The following LGI1 variants were observed in gnomAD, a reference collection of about 807,000 sequenced individuals.
LGI1 encodes the protein leucine rich glioma inactivated 1, also known as leucine-rich glioma-inactivated protein 1.
Under a neutral mutation model 57.7 loss-of-function variants are expected in LGI1, and 11 were observed. The ratio of observed to expected loss-of-function variants is 0.19; its 90% confidence interval spans 0.12 to 0.32. The LOEUF is 0.32. Ranked by LOEUF, LGI1 falls within the 10% of genes least tolerant of loss-of-function variation. The pLI is 1.00. For missense variants in LGI1, 422 were observed against 661.9 expected (o/e 0.64, Z 3.98); for synonymous variants, 222 against 241.9 (o/e 0.92, Z 0.76).
In LGI1 at chr10:93,798,098, CATTT is replaced by C. The variant is rs2059996452; in HGVS notation, c.*303_*306del. On this transcript the variant is annotated 3_prime_UTR_variant, in exon 8 of 8. Coordinates refer to ENST00000371418, the MANE Select transcript of LGI1 (RefSeq NM_005097.4). ...AAAGAAATATTAATATGTACTTTTC[CATTT>C]ATTTATTCATGTGTACAGAAACAAC... 1 of 402,212 alleles carries C rather than the reference CATTT, an allele frequency of 2.5e-6. No homozygotes were observed. The allele number at this position is 402,212 out of a possible 1,614,324, so 24.9% of individuals were successfully genotyped here.
chr10:93,761,255 A>G (rs553179354), intron 2 of LGI1, among the ~76,000 whole-genome samples: 8 of 152,322 alleles, frequency 5.3e-5, no homozygotes, highest in Non-Finnish European at 8.8e-5. Flanking sequence ...ATGAAGACCA[A>G]TGGCATTGGA....
In LGI1 at chr10:93,758,919, C is replaced by A; in HGVS notation, c.287+88C>A. 9.9e-7 allele frequency: 1 copy of A among 1,010,650 alleles called. No homozygotes were observed. Among genetic ancestry groups the A allele is most frequent in the South Asian group, 1.3e-5 (1 of 74,806 alleles). The allele number at this position is 1,010,650 out of a possible 1,614,324, so 62.6% of individuals were successfully genotyped here. On this transcript the variant is annotated intron_variant, in intron 2 of 7. Transcript: ENST00000371418. This position sits in a 1 kb window ranked among gnomAD's most constrained non-coding sequence, Gnocchi z 4.7. ...AAAATGATCTCAATATTAATTTTGTCAAATGTGATTCTATTTCTGAGAAAA... is the reference window on the plus strand; with the variant it reads ...AAAATGATCTCAATATTAATTTTGTAAAATGTGATTCTATTTCTGAGAAAA...
intron 2 of LGI1, chr10:93,771,546 T>C (rs2059740081): frequency 1.3e-5 from 2 of 152,126 alleles, no homozygotes; most frequent in Non-Finnish European, 2.9e-5. Context: ...AAGGGAGGGA[T>C]GATGCAATAC....
chr10:93,791,243 G>A (rs2059935903), intron 5 of LGI1: 1 of 152,138 alleles, frequency 6.6e-6, no homozygotes, highest in South Asian at 2.1e-4. Context: ...TATCCTCTCT[G>A]GTTTACAGTA....
chr10:93,780,417 T>G (rs1182592855), intron 4 of LGI1: 8 of 152,186 alleles, frequency 5.3e-5, no homozygotes, highest in Admixed American at 3.9e-4. Context: ...TTTAAGACAT[T>G]AGGCTTCAAA....
chr10:93,777,061 C>G (rs1387457782), intron 2 of LGI1: 1 of 449,590 alleles, frequency 2.2e-6, no homozygotes, highest in African/African-American at 2.0e-5. Context: ...GTGCCTTTGT[C>G]ATGAAAATAT....
At chr10:93,769,429 C>A (rs2059712141) in intron 2 of LGI1, 1 of 152,184 alleles carries the variant, frequency 6.6e-6, no homozygotes, top group South Asian at 2.1e-4. Flanking sequence ...CAGGTGACAT[C>A]CTCACGGGAC....
In LGI1 at chr10:93,797,309, C is replaced by T. The variant is rs780717755; in HGVS notation, c.1180C>T (p.Leu394Phe). 1 of 1,614,204 alleles carries T rather than the reference C, an allele frequency of 6.2e-7. No individual in the cohort carries two copies. The highest frequency in any genetic ancestry group is 8.5e-7 in the Non-Finnish European group (1 of 1,180,038). The change falls in exon 8 of 8, where the codon CTC (leucine) becomes TTC (phenylalanine). Residue 394 changes from leucine (L) to phenylalanine (F), a missense_variant. Coordinates refer to ENST00000371418, the MANE Select transcript of LGI1 (RefSeq NM_005097.4). The surrounding 1 kb of genome is among the most constrained non-coding windows in gnomAD (Gnocchi z 6.5). ...AGAAATAGTCAGAACACCTCAGACA[C>T]TCAGAACGCCTCATTTAATTCTGTC... is the stretch of plus-strand genomic sequence containing the variant. ...YLEIVRTPQTLRTPHLILSSS... is the reference protein window; with the variant it reads ...YLEIVRTPQTFRTPHLILSSS...
rs144274406 is a variant in LGI1, at chr10:93,777,154, T to A, written c.288-225T>A. The A allele has an allele frequency of 2.3e-5, 14 of 609,586 alleles. No homozygotes were observed. In the East Asian group the frequency reaches 3.9e-4, roughly 17 times the overall value. The allele number at this position is 609,586 out of a possible 1,614,324, so 37.8% of individuals were successfully genotyped here. A position where few individuals can be genotyped will look rare whatever the true frequency, so the allele number is the denominator to read the frequency against. ...TGTCACCCAGGGTATGTGGCAGTCA[T>A]TGTGAGGAATCGGGCACCAGGCACC... On this transcript the variant is annotated intron_variant, in intron 2 of 7. Transcript: ENST00000371418.
chr10:93,779,272 G>GTAGGACTCTGGTGTCCTCGCGAGGAACC (rs1424799514), intron 4 of LGI1, among the ~76,000 whole-genome samples: 1 of 152,040 alleles, frequency 6.6e-6, no homozygotes, highest in African/African-American at 2.4e-5. Context: ...TAGGGAGGAT[G>GTAGGACTCTGGTGTCCTCGCGAGGAACC]CACAGCCCAA....
At chr10:93,776,005 G>A (rs1589761067) in intron 2 of LGI1, 1 of 152,316 alleles carries the variant, frequency 6.6e-6, no homozygotes, top group East Asian at 1.9e-4. Flanking sequence ...GCCATGAAGT[G>A]AGAAGAGACA....
chr10:93,784,727 A>G (rs1217942079), intron 4 of LGI1, among the ~76,000 whole-genome samples: 1 of 152,090 alleles, frequency 6.6e-6, no homozygotes, highest in Admixed American at 6.6e-5. Flanking sequence ...TAGTATTAAA[A>G]TTCAGCTCTG....
At chr10:93,791,532 G>A (rs2059938186) in intron 5 of LGI1, 1 of 152,202 alleles carries the variant, frequency 6.6e-6, no homozygotes, top group African/African-American at 2.4e-5. Flanking sequence ...TATCTTAGAA[G>A]TACAAGGATC....
chr10:93,760,710 A>G (rs1238331877), intron 2 of LGI1, among the ~76,000 whole-genome samples: 1 of 152,176 alleles, frequency 6.6e-6, no homozygotes, highest in Non-Finnish European at 1.5e-5. Flanking sequence ...GGGTAATGTG[A>G]TTTCACGTAT....
In LGI1 at chr10:93,797,044, C is replaced by T. The variant is rs1274034219; in HGVS notation, c.915C>T (p.Gly305=). 1.9e-6 allele frequency: 3 copies of T among 1,613,834 alleles called. No homozygotes were observed. The highest frequency in any genetic ancestry group is 1.3e-5 in the African/African-American group (1 of 74,906). Residue 305 remains glycine (G), a synonymous_variant, in exon 8 of 8, where the codon GGC becomes GGT. Coordinates refer to ENST00000371418, the MANE Select transcript of LGI1 (RefSeq NM_005097.4). The surrounding 1 kb of genome is among the most constrained non-coding windows in gnomAD (Gnocchi z 6.5). ...TTATTGTGGCCCAGCTGTTTGGTGG[C>T]TCTCACATCTATAAGCGAGACAGTT... The part of the protein sequence containing the change: ...LYVIVAQLFG[G]SHIYKRDSFA...
chr10:93,783,464 G>A (rs1435983660), intron 4 of LGI1, among the ~76,000 whole-genome samples: 1 of 152,176 alleles, frequency 6.6e-6, no homozygotes, highest in African/African-American at 2.4e-5. Context: ...TTAGTTGAAG[G>A]CAACTTTAAA....
In LGI1 at chr10:93,786,575, T is replaced by C. The variant is rs568776146; in HGVS notation, c.432-3524T>C. Among the ~76,000 whole-genome samples the C allele has an allele frequency of 1.2e-3, 58 of 46,540 alleles. 18 individuals are homozygous for C. The highest frequency in any genetic ancestry group is 3.7e-3 in the Admixed American group (10 of 2,716). 30.5% of individuals were successfully genotyped at this position (46,540 alleles called of 152,430 possible). On this transcript the variant is annotated intron_variant, in intron 4 of 7. Transcript: ENST00000371418. ...TATGGACCATAGTTTATTTACATGA[T>C]CCCTTATATCTCTTTGTTGTTGTTG...
chr10:93,780,389 T>G (rs572907667), intron 4 of LGI1: 1 of 152,346 alleles, frequency 6.6e-6, no homozygotes, highest in Non-Finnish European at 1.5e-5. Flanking sequence ...GGCATTTGTC[T>G]GAGCCATTAG....
intron 2 of LGI1, among the ~76,000 whole-genome samples, chr10:93,766,035 T>C (rs2059673437): frequency 6.6e-6 from 1 of 151,276 alleles, no homozygotes; most frequent in Non-Finnish European, 1.5e-5. Flanking sequence ...ACCAATACAT[T>C]AGGTTGTTCA....
Sources: allele counts gnomAD v4.1 joint callset (sites outside exome capture counted in the v4.1 genomes callset), GRCh38; gene constraint gnomAD v4.1.1; non-coding constraint Gnocchi (gnomAD v3.1); transcripts MANE v1.5; gene names NCBI Gene and HGNC (gene_info 2026-07-23, HGNC 2026-07-21).